The following VPS8 variants were observed in gnomAD, a reference collection of about 807,000 sequenced individuals.
The protein encoded by VPS8 is VPS8 subunit of CORVET complex.
A neutral mutation model predicts 216.4 loss-of-function variants in VPS8; 129 were observed. That is an observed-to-expected ratio of 0.60 (90% CI 0.52 to 0.69). VPS8 has a LOEUF of 0.69. Among genes scored for constraint, VPS8 ranks in the 30% least tolerant of loss-of-function variants. VPS8 has a pLI of 0.00. For synonymous variants in VPS8, 571 were observed against 565.4 expected (o/e 1.01, Z -0.14); for missense variants, 1,531 against 1,683.5 (o/e 0.91, Z 1.59).
chr3:185,026,093 A>G (rs1156500221), intron 46 of VPS8, among the ~76,000 whole-genome samples: 1 of 152,158 alleles, frequency 6.6e-6, no homozygotes, highest in African/African-American at 2.4e-5. Context: ...CTTGTATAAT[A>G]TTGTTCATTC....
At chr3:184,842,951 A>G (rs1389572839) in intron 7 of VPS8, among the ~76,000 whole-genome samples, 13 of 151,352 alleles carry the variant, frequency 8.6e-5, no homozygotes, top group Non-Finnish European at 1.9e-4. Context: ...TTATTAGTGT[A>G]CTTCAGTAGA....
intron 37 of VPS8, among the ~76,000 whole-genome samples, chr3:184,963,861 A>G (rs897435372): frequency 6.6e-6 from 1 of 151,952 alleles, no homozygotes; most frequent in Admixed American, 6.6e-5. Context: ...CTTTTCCTGC[A>G]TTTATTGAGA....
intron 22 of VPS8, among the ~76,000 whole-genome samples, chr3:184,888,851 A>G (rs2108891490): frequency 6.6e-6 from 1 of 152,290 alleles, no homozygotes; most frequent in East Asian, 1.9e-4. Context: ...GCTATCCAAT[A>G]CCTGATGGTT....
chr3:184,910,259 G>A lies in VPS8; in HGVS notation c.2147-3260G>A, dbSNP rs116303916. ...CGCCATACTTCTGCCTTGGCCTCCC[G>A]GCAAGATTCTCCTAATTTTTAAACT... On this transcript the variant is annotated intron_variant, in intron 25 of 47. Transcript: ENST00000625842. Among the ~76,000 whole-genome samples, 971 of 150,536 alleles carry A rather than the reference G, an allele frequency of 6.5e-3. 8 individuals are homozygous for A. Among genetic ancestry groups the A allele is most frequent in the African/African-American group, 0.018 (746 of 40,906 alleles).
rs373543775 is a variant in VPS8 at position 184,924,909 on chromosome 3, C to G, written c.2502C>G (p.Leu834=). The G allele has an allele frequency of 5.6e-6, 9 of 1,613,320 alleles. No individual in the cohort carries two copies. Among genetic ancestry groups the G allele is most frequent in the African/African-American group, 1.3e-5 (1 of 74,776 alleles). ...SDFTPSQVGC[L]FTFLARQLAK... is the part of the protein sequence containing the mutation. ...TTACCCCCTCACAAGTAGGATGTCT[C>G]TTTACCTTCCTTGCTCGGCAGCTTG... The change falls in exon 30 of 48, where the codon CTC becomes CTG. Residue 834 remains leucine (L), a synonymous_variant. Coordinates refer to ENST00000625842, the MANE Select transcript of VPS8 (RefSeq NM_001009921.3).
intron 17 of VPS8, among the ~76,000 whole-genome samples, chr3:184,867,205 G>T (rs1727524089): frequency 6.6e-6 from 1 of 152,056 alleles, no homozygotes; most frequent in Non-Finnish European, 1.5e-5. Flanking sequence ...GCTTTTGTAA[G>T]CTTCCTTCAC....
chr3:184,874,782 T>G (rs1287851929), intron 21 of VPS8, among the ~76,000 whole-genome samples: 1 of 152,078 alleles, frequency 6.6e-6, no homozygotes. Context: ...TGGAAGGTTT[T>G]AAAAACAACA....
At position 185,022,811 on chromosome 3, in the gene VPS8, C is replaced by T. The variant is rs183183242; in HGVS notation, c.4003-1525C>T. On this transcript the variant is annotated intron_variant, in intron 45 of 47. Transcript: ENST00000625842. Reference sequence around the variant, plus strand: ...ATTTTTATTTCATTGATTTTTGCTGCTTATTATTTACTTCTTTCCTACTTA... The same window carrying T: ...ATTTTTATTTCATTGATTTTTGCTGTTTATTATTTACTTCTTTCCTACTTA... Among the ~76,000 whole-genome samples the T allele has an allele frequency of 8.5e-4, 129 of 152,092 alleles. No homozygotes were observed. The Middle Eastern group carries it at 0.01, about 12-fold the overall frequency.
chr3:184,852,486 C>T lies in VPS8; in HGVS notation c.754-14C>T, dbSNP rs756525122. ...TTAAAAATGTACAAGAAAATAAATT[C>T]CTTCTCTGTTTAGTTTACAGATGAT... On this transcript the variant is annotated splice_polypyrimidine_tract_variant and intron_variant, in intron 10 of 47. Transcript: ENST00000625842. 1.2e-6 allele frequency: 2 copies of T among 1,607,626 alleles called. No individual in the cohort carries two copies. The highest frequency in any genetic ancestry group is 1.3e-5 in the African/African-American group (1 of 74,628).
At chr3:185,008,484 T>C (rs1754558245) in intron 45 of VPS8, among the ~76,000 whole-genome samples, 1 of 152,124 alleles carries the variant, frequency 6.6e-6, no homozygotes, top group African/African-American at 2.4e-5. Flanking sequence ...TTATATCAAA[T>C]ATATAGCTTC....
At chr3:184,841,157 A>C (rs1722065059) in intron 7 of VPS8, among the ~76,000 whole-genome samples, 1 of 152,188 alleles carries the variant, frequency 6.6e-6, no homozygotes. Context: ...AGACTCTTAA[A>C]ACCTATATAG....
intron 8 of VPS8, among the ~76,000 whole-genome samples, chr3:184,846,665 C>T (rs1009413307): frequency 6.6e-6 from 1 of 152,240 alleles, no homozygotes; most frequent in Admixed American, 6.5e-5. Flanking sequence ...CGCTCTGTGC[C>T]TGGAAGGCAA....
chr3:184,890,425 T>C (rs1240924455), intron 22 of VPS8, among the ~76,000 whole-genome samples: 1 of 152,152 alleles, frequency 6.6e-6, no homozygotes, highest in East Asian at 1.9e-4. Flanking sequence ...ATGTTGTTTT[T>C]ATAGGCAGTC....
chr3:184,893,458 G>A (rs779246892), intron 22 of VPS8: 2 of 782,888 alleles, frequency 2.6e-6, no homozygotes, highest in Non-Finnish European at 3.3e-6. Flanking sequence ...AAAACAGAAT[G>A]AACAAAGAAG....
intron 14 of VPS8, 135 bp downstream of exon 14, chr3:184,855,953 G>T: frequency 1.6e-6 from 1 of 639,210 alleles, no homozygotes; most frequent in Non-Finnish European, 2.6e-6. Flanking sequence ...TTTTATCTAA[G>T]GCTTTAATGA....
chr3:185,004,346 G>A (rs1269175293), intron 45 of VPS8, among the ~76,000 whole-genome samples: 23 of 151,940 alleles, frequency 1.5e-4, no homozygotes, highest in African/African-American at 4.1e-4. Context: ...CAGGCGTGGC[G>A]GCGCGCGCCC....
chr3:184,943,530 G>A (rs1743114703), intron 36 of VPS8, among the ~76,000 whole-genome samples: 1 of 152,152 alleles, frequency 6.6e-6, no homozygotes, highest in Non-Finnish European at 1.5e-5. Flanking sequence ...AGGTAGACTG[G>A]CCCCGGCTAG....
intron 20 of VPS8, among the ~76,000 whole-genome samples, chr3:184,869,732 AT>A (rs890493915): frequency 1.3e-5 from 2 of 152,092 alleles, no homozygotes; most frequent in Non-Finnish European, 2.9e-5. Flanking sequence ...CTAAAAAAAA[AT>A]AGAAAGATTA....
At chr3:184,908,992 GT>G (rs1276966521) in intron 25 of VPS8, among the ~76,000 whole-genome samples, 3 of 152,234 alleles carry the variant, frequency 2.0e-5, no homozygotes, top group Non-Finnish European at 4.4e-5. Flanking sequence ...CTCACTCCAA[GT>G]TGCAGGTTTC....
Sources: gnomAD v4.1 joint callset for allele counts (sites outside exome capture counted in the v4.1 genomes callset) on GRCh38, gnomAD v4.1.1 for gene constraint, MANE v1.5 for transcripts, NCBI Gene and HGNC (gene_info 2026-07-23, HGNC 2026-07-21) for gene names.